Variants in BTBD9 observed in about 807,000 individuals in gnomAD.
The protein encoded by BTBD9 is BTB/POZ domain-containing protein 9.
BTBD9 carries 49 observed loss-of-function variants against 64.3 expected under a neutral mutation model. That is an observed-to-expected ratio of 0.76 (90% CI 0.61 to 0.97). The LOEUF is 0.97. Ranked by LOEUF, BTBD9 falls within the 50% of genes least tolerant of loss-of-function variation. BTBD9 has a pLI of 0.00. For synonymous variants in BTBD9, 260 were observed against 274.7 expected, an observed-to-expected ratio of 0.95 and a Z score of 0.53; for missense variants, 598 against 762.1, an observed-to-expected ratio of 0.78 and a Z score of 2.53.
intron 6 of BTBD9, among the ~76,000 whole-genome samples, chr6:38,375,878 A>G (rs1342615020): frequency 2.1e-5 from 3 of 146,058 alleles, no homozygotes; most frequent in South Asian, 2.2e-4. Flanking sequence ...GTCTACAAAC[A>G]AAAGAAAGAA....
intron 6 of BTBD9, among the ~76,000 whole-genome samples, chr6:38,409,587 G>A (rs986594413): frequency 5.3e-5 from 8 of 152,124 alleles, no homozygotes; most frequent in African/African-American, 9.7e-5. Flanking sequence ...CACTTTGGGA[G>A]GCCGAGGTGG....
intron 6 of BTBD9, among the ~76,000 whole-genome samples, chr6:38,577,143 T>C (rs917981421): frequency 6.6e-6 from 1 of 152,170 alleles, no homozygotes; most frequent in Non-Finnish European, 1.5e-5. Flanking sequence ...AAAAAACAGA[T>C]AACCAGAACA....
intron 8 of BTBD9, among the ~76,000 whole-genome samples, chr6:38,275,684 C>G (rs554693218): frequency 2.0e-5 from 3 of 152,058 alleles, no homozygotes. Flanking sequence ...AAAAAGTGGG[C>G]GAAGGATATG....
At chr6:38,341,605 A>G (rs1294534085) in intron 7 of BTBD9, among the ~76,000 whole-genome samples, 1 of 152,244 alleles carries the variant, frequency 6.6e-6, no homozygotes, top group Non-Finnish European at 1.5e-5. Flanking sequence ...CTATGCAAGT[A>G]TCACCAAAGT....
intron 8 of BTBD9, among the ~76,000 whole-genome samples, chr6:38,259,803 T>G (rs942124147): frequency 6.6e-6 from 1 of 152,214 alleles, no homozygotes; most frequent in Non-Finnish European, 1.5e-5. Context: ...TAAATGGGTT[T>G]GGAAAGCATT....
At chr6:38,205,534 T>C (rs62397006) in intron 9 of BTBD9, among the ~76,000 whole-genome samples, 30,283 of 152,014 alleles carry the variant, frequency 0.2, 3,805 homozygotes, top group Non-Finnish European at 0.29. Flanking sequence ...CTCTTTGTAT[T>C]TATGCGAAGA....
chr6:38,522,641 T>C (rs1773322089), intron 6 of BTBD9, among the ~76,000 whole-genome samples: 1 of 152,200 alleles, frequency 6.6e-6, no homozygotes. Flanking sequence ...TGGCTTCAAA[T>C]ATTAGCTCTA....
intron 6 of BTBD9, among the ~76,000 whole-genome samples, chr6:38,345,543 C>T (rs758890672): frequency 2.0e-5 from 3 of 152,252 alleles, no homozygotes; most frequent in Non-Finnish European, 2.9e-5. Flanking sequence ...CACACGAAAT[C>T]AATATTGCTT....
At chr6:38,327,494 A>T (rs759665997) in intron 7 of BTBD9, among the ~76,000 whole-genome samples, 32 of 152,204 alleles carry the variant, frequency 2.1e-4, no homozygotes, top group Non-Finnish European at 8.8e-5. Context: ...CACTATTTTA[A>T]TAAGTAATAC....
chr6:38,447,595 C>T (rs1769334735), intron 6 of BTBD9, among the ~76,000 whole-genome samples: 1 of 152,198 alleles, frequency 6.6e-6, no homozygotes, highest in South Asian at 2.1e-4. Flanking sequence ...TGTTACAGTA[C>T]AGACTCTGTA....
chr6:38,186,084 C>T (rs570634201), intron 10 of BTBD9, among the ~76,000 whole-genome samples: 2 of 152,304 alleles, frequency 1.3e-5, no homozygotes, highest in African/African-American at 2.4e-5. Context: ...TGAATGTGTG[C>T]ATATGCTCCT....
intron 6 of BTBD9, among the ~76,000 whole-genome samples, chr6:38,526,589 C>A (rs1188013980): frequency 6.6e-6 from 1 of 152,202 alleles, no homozygotes; most frequent in Non-Finnish European, 1.5e-5. Context: ...GCCACAGATA[C>A]CAGACACCAG....
At position 38,292,048 on chromosome 6, in the gene BTBD9, G is replaced by A. The variant is rs914725794; in HGVS notation, c.1265-3587C>T. 7.9e-5 allele frequency among the ~76,000 whole-genome samples: 12 copies of A among 151,220 alleles called. No homozygotes were observed. In the South Asian group the frequency reaches 8.3e-4, roughly 11 times the overall value. On this transcript the variant is annotated intron_variant, in intron 7 of 10. Coordinates refer to ENST00000481247, the MANE Select transcript of BTBD9 (RefSeq NM_001099272.2). ...GAAATCTCAGCTCACTGCAGCCTCCGCCTGCCCAGCTCAAGCAATTCTCCT... is the reference window on the plus strand; with the variant it reads ...GAAATCTCAGCTCACTGCAGCCTCCACCTGCCCAGCTCAAGCAATTCTCCT...
At chr6:38,471,224 G>C (rs1770636381) in intron 6 of BTBD9, among the ~76,000 whole-genome samples, 1 of 152,042 alleles carries the variant, frequency 6.6e-6, no homozygotes, top group South Asian at 2.1e-4. Context: ...CTCAGCTCTG[G>C]GTGACCTAAC....
At chr6:38,498,626 C>A (rs1054954998) in intron 6 of BTBD9, among the ~76,000 whole-genome samples, 6 of 152,102 alleles carry the variant, frequency 3.9e-5, no homozygotes, top group Admixed American at 1.3e-4. Context: ...GGCTGGGCAA[C>A]ATAAGGGGAC....
chr6:38,295,479 T>C (rs1762127200), intron 7 of BTBD9, among the ~76,000 whole-genome samples: 1 of 152,200 alleles, frequency 6.6e-6, no homozygotes, highest in South Asian at 2.1e-4. Flanking sequence ...TTTTCCTTTC[T>C]TGTTTATAAG....
At chr6:38,547,576 GC>G (rs1774609709) in intron 6 of BTBD9, among the ~76,000 whole-genome samples, 1 of 152,100 alleles carries the variant, frequency 6.6e-6, no homozygotes, top group Non-Finnish European at 1.5e-5. Flanking sequence ...CCAACCTTTT[GC>G]TTTTCTCAGT....
chr6:38,292,845 T>C (rs1171302750), intron 7 of BTBD9, among the ~76,000 whole-genome samples: 1 of 152,210 alleles, frequency 6.6e-6, no homozygotes. Context: ...CTTAGTTATT[T>C]CTTGTCTTCT....
At chr6:38,250,025 CA>C (rs1764338648) in intron 9 of BTBD9, among the ~76,000 whole-genome samples, 1 of 152,126 alleles carries the variant, frequency 6.6e-6, no homozygotes, top group African/African-American at 2.4e-5. Flanking sequence ...ATTTACCATT[CA>C]GGGGTAATTT....
Sources: gnomAD v4.1 joint callset for allele counts (sites outside exome capture counted in the v4.1 genomes callset) on GRCh38, gnomAD v4.1.1 for gene constraint, MANE v1.5 for transcripts, NCBI Gene and HGNC (gene_info 2026-07-23, HGNC 2026-07-21) for gene names.